BLTP2: variants seen among roughly 807,000 people sequenced by gnomAD.
BLTP2 encodes the protein bridge-like lipid transfer protein family member 2.
At chr17:28,634,065 C>T in the BLTP2 span, 2 of 1,614,126 alleles carry the variant, frequency 1.2e-6, no homozygotes, top group Non-Finnish European at 1.7e-6. Flanking sequence ...AAACAGGTAC[C>T]GTGGATAGTC....
the BLTP2 span, chr17:28,640,160 C>G: frequency 5.0e-5 from 46 of 924,596 alleles, no homozygotes; most frequent in Non-Finnish European, 4.8e-6. Flanking sequence ...TTTGGGAGGC[C>G]GAGGCAGGGG....
chr17:28,624,281 C>T, the BLTP2 span: 215 of 1,614,200 alleles, frequency 1.3e-4, 1 homozygote, highest in Middle Eastern at 2.1e-3. Flanking sequence ...ATATGTCATC[C>T]GTCTGGCAGG....
At chr17:28,633,989 G>A in the BLTP2 span, 5 of 1,614,106 alleles carry the variant, frequency 3.1e-6, no homozygotes, top group Non-Finnish European at 4.2e-6. Flanking sequence ...GACGCCGACG[G>A]GAGCAAGGCT....
At chr17:28,619,552 G>T in the BLTP2 span, 1 of 1,408,708 alleles carries the variant, frequency 7.1e-7, no homozygotes, top group South Asian at 1.3e-5. Flanking sequence ...ATCAGCCTTT[G>T]ATAATGCACA....
the BLTP2 span, chr17:28,635,296 C>A: frequency 1.8e-5 from 29 of 1,614,046 alleles, no homozygotes; most frequent in African/African-American, 4.0e-5. Flanking sequence ...CTGCAGGGAA[C>A]CTCCATGCCG....
At chr17:28,629,518 G>A in the BLTP2 span, among the ~76,000 whole-genome samples, 3 of 151,682 alleles carry the variant, frequency 2.0e-5, no homozygotes, top group East Asian at 1.9e-4. Flanking sequence ...CACTCTTGTC[G>A]TCCAGGCTGA....
chr17:28,631,641 A>G, the BLTP2 span: 1 of 1,614,136 alleles, frequency 6.2e-7, no homozygotes, highest in South Asian at 1.1e-5. Flanking sequence ...CCATCTGGGT[A>G]ACACTCCAAT....
the BLTP2 span, chr17:28,638,090 C>T: frequency 6.2e-7 from 1 of 1,613,680 alleles, no homozygotes; most frequent in Admixed American, 1.7e-5. Flanking sequence ...CTGGTTATAG[C>T]TACCCTAGAG....
the BLTP2 span, among the ~76,000 whole-genome samples, chr17:28,622,449 CCACT>C: frequency 6.6e-6 from 1 of 152,102 alleles, no homozygotes; most frequent in African/African-American, 2.4e-5. Context: ...AGTTTTATCC[CCACT>C]AAGTAGAACT....
the BLTP2 span, chr17:28,642,856 C>G: frequency 7.0e-7 from 1 of 1,429,476 alleles, no homozygotes; most frequent in Non-Finnish European, 9.9e-7. Context: ...ATCCTCTGCT[C>G]CCCAGTGCTT....
the BLTP2 span, chr17:28,642,050 A>G: frequency 6.2e-7 from 1 of 1,614,196 alleles, no homozygotes; most frequent in Non-Finnish European, 8.5e-7. Context: ...GTCCAGGGCC[A>G]GTGAAAGCTC....
the BLTP2 span, chr17:28,632,958 C>T: frequency 4.6e-6 from 7 of 1,538,344 alleles, no homozygotes; most frequent in Non-Finnish European, 6.1e-6. Flanking sequence ...TGTGCCGAGT[C>T]AGATCCATCT....
At chr17:28,628,610 CCA>C in the BLTP2 span, 1 of 1,488,368 alleles carries the variant, frequency 6.7e-7, no homozygotes, top group Non-Finnish European at 9.3e-7. Context: ...GCCCCCAGTG[CCA>C]CAGAGGCAGT....
At chr17:28,621,342 C>A in the BLTP2 span, 2 of 1,490,542 alleles carry the variant, frequency 1.3e-6, no homozygotes, top group Non-Finnish European at 1.9e-6. Flanking sequence ...AAATGAGGTC[C>A]CTTTGGGATG....
the BLTP2 span, chr17:28,618,891 C>T: frequency 6.2e-6 from 10 of 1,614,038 alleles, no homozygotes; most frequent in East Asian, 2.2e-5. Flanking sequence ...AAACTCAGTG[C>T]GACGGACCAC....
the BLTP2 span, chr17:28,615,227 C>G: frequency 6.2e-7 from 1 of 1,607,670 alleles, no homozygotes; most frequent in Non-Finnish European, 8.5e-7. Context: ...AGACTTCAGC[C>G]TTAGCTTCTC....
chr17:28,639,605 G>A, the BLTP2 span: 1 of 1,614,206 alleles, frequency 6.2e-7, no homozygotes, highest in South Asian at 1.1e-5. Flanking sequence ...AGTTGAGGCA[G>A]ACAATGCGTT....
the BLTP2 span, chr17:28,615,647 G>A: frequency 1.9e-6 from 3 of 1,611,638 alleles, no homozygotes; most frequent in Non-Finnish European, 2.5e-6. Flanking sequence ...AAACAGCCAT[G>A]AGCCCTGGCG....
the BLTP2 span, chr17:28,617,088 G>C: frequency 8.5e-7 from 1 of 1,173,218 alleles, no homozygotes; most frequent in African/African-American, 1.5e-5. Flanking sequence ...GAGAGGAGAA[G>C]CAATGGTACT....
Sources: gnomAD v4.1 joint callset for allele counts (sites outside exome capture counted in the v4.1 genomes callset) on GRCh38, gnomAD v4.1.1 for gene constraint, MANE v1.5 for transcripts, NCBI Gene and HGNC (gene_info 2026-07-23, HGNC 2026-07-21) for gene names.